The following HSH2D variants were observed in gnomAD, a reference collection of about 807,000 sequenced individuals.
HSH2D encodes hematopoietic SH2 domain containing.
In HSH2D, 16 loss-of-function variants were observed where a neutral mutation model predicts 21.5. That is an observed-to-expected ratio of 0.74 (90% CI 0.50 to 1.13). The LOEUF is 1.13. Ranked by LOEUF, HSH2D falls within the 50% of genes most tolerant of loss-of-function variation. The pLI, the probability that HSH2D is intolerant of heterozygous loss-of-function variation, is 0.00. For synonymous variants in HSH2D, 172 were observed against 184.7 expected, an observed-to-expected ratio of 0.93 and a Z score of 0.56; for missense variants, 418 against 441.4, an observed-to-expected ratio of 0.95 and a Z score of 0.47.
Position 16,148,846 on chromosome 19 carries a change from C to G in HSH2D, c.96C>G (p.Pro32=). Residue 32 remains proline, a synonymous_variant, in exon 2 of 6, where the codon CCC becomes CCG. Coordinates refer to ENST00000613986, the MANE Select transcript of HSH2D (RefSeq NM_001382417.1). ...GCCAGCTGGCCCAAGACGGGGTCCC[C>G]GAGTGGTTCCATGGTGCAATCTCAA... ...QMGQLAQDGV[P]EWFHGAISRE... 1 of 1,613,562 alleles carries G rather than the reference C, an allele frequency of 6.2e-7. No homozygotes were observed. The highest frequency in any genetic ancestry group is 8.5e-7 in the Non-Finnish European group (1 of 1,179,756).
At chr19:16,151,338 A>G in intron 2 of HSH2D, 1 of 259,754 alleles carries the variant, frequency 3.8e-6, no homozygotes, top group South Asian at 3.3e-5. Flanking sequence ...AAAAAAAAAA[A>G]AAAAGAGAGA....
At chr19:16,138,560 C>T (rs1016857970) in intron 1 of HSH2D, among the ~76,000 whole-genome samples, 2 of 151,576 alleles carry the variant, frequency 1.3e-5, no homozygotes, top group African/African-American at 2.4e-5. Context: ...CGGGTTCAAG[C>T]GATTCTTCTG....
Position 16,148,963 on chromosome 19 carries a change from T to C in HSH2D, c.125+88T>C. On this transcript the variant is annotated intron_variant, in intron 2 of 5. Coordinates refer to ENST00000613986, the MANE Select transcript of HSH2D (RefSeq NM_001382417.1). The stretch of plus-strand genomic sequence containing the variant: ...TGGGCAGCTTTTAACTGCAGAATTC[T>C]GGACTTGGCTCAGCTCAGTGTGGCA... The C allele has an allele frequency of 5.7e-6, 8 of 1,398,798 alleles. No homozygotes were observed. The South Asian group carries it at 1.1e-4, about 19-fold the overall frequency. 86.6% of individuals were successfully genotyped at this position (1,398,798 alleles called of 1,614,324 possible).
Position 16,157,382 on chromosome 19 carries a change from G to A in HSH2D, c.647G>A (p.Arg216Lys), listed in dbSNP as rs1292983029. 8.7e-6 allele frequency: 14 copies of A among 1,613,834 alleles called. No homozygotes were observed. Among genetic ancestry groups the A allele is most frequent in the Non-Finnish European group, 1.0e-5 (12 of 1,179,878 alleles). ...AAAATGCTCCCCGAGAGAGGCCAGA[G>A]GGTCCGGCAGCAGCTAAAAAGCCAC... ...SLKMLPERGQ[R>K]VRQQLKSHLA... Residue 216 changes from arginine to lysine, a missense_variant, in exon 6 of 6, where the codon AGG (arginine) becomes AAG (lysine). Coordinates refer to ENST00000613986, the MANE Select transcript of HSH2D (RefSeq NM_001382417.1). This position sits in a 1 kb window ranked among gnomAD's most constrained non-coding sequence, Gnocchi z 4.4.
rs77723805 is a variant in HSH2D, at chr19:16,148,846, C to T, written c.96C>T (p.Pro32=). 62 of 1,613,562 alleles carry T rather than the reference C, an allele frequency of 3.8e-5. No homozygotes were observed. The highest frequency in any genetic ancestry group is 1.1e-4 in the East Asian group (5 of 44,860). ...GCCAGCTGGCCCAAGACGGGGTCCC[C>T]GAGTGGTTCCATGGTGCAATCTCAA... ...QMGQLAQDGV[P]EWFHGAISRE... The change falls in exon 2 of 6, where the codon CCC becomes CCT. Residue 32 remains proline (P), a synonymous_variant. Coordinates refer to ENST00000613986, the MANE Select transcript of HSH2D (RefSeq NM_001382417.1).
intron 1 of HSH2D, among the ~76,000 whole-genome samples, chr19:16,146,755 G>A (rs568588019): frequency 2.8e-4 from 43 of 150,884 alleles, no homozygotes; most frequent in East Asian, 3.9e-4. Context: ...TGTTTATTTC[G>A]TTCACTTGCC....
In HSH2D at chr19:16,157,800, A is replaced by G; in HGVS notation, c.*6A>G. The G allele has an allele frequency of 6.4e-7, 1 of 1,572,372 alleles. No individual in the cohort carries two copies. The highest frequency in any genetic ancestry group is 8.6e-7 in the Non-Finnish European group (1 of 1,163,982). On this transcript the variant is annotated 3_prime_UTR_variant, in exon 6 of 6. Transcript: ENST00000613986. The surrounding 1 kb of genome is among the most constrained non-coding windows in gnomAD (Gnocchi z 4.4). ...TTGCCCCTGGGTACTGCTAGAGAAC[A>G]GGTCCACCCTGGCTCTGGGACTCGC... is the stretch of plus-strand genomic sequence containing the variant.
chr19:16,152,458 GC>G (rs2091171892), intron 2 of HSH2D, 93 bp from the exon 3 acceptor site: 2 of 624,706 alleles, frequency 3.2e-6, no homozygotes, highest in Admixed American at 7.6e-5. Flanking sequence ...AAAACTACCA[GC>G]CTTCTCCATG....
At chr19:16,150,680 C>A in intron 2 of HSH2D, among the ~76,000 whole-genome samples, 3 of 129,838 alleles carry the variant, frequency 2.3e-5, no homozygotes, top group African/African-American at 6.0e-5. Flanking sequence ...AGCAAGATTC[C>A]AGCTCAAAAA....
intron 1 of HSH2D, among the ~76,000 whole-genome samples, chr19:16,138,379 C>T (rs555207080): frequency 5.3e-5 from 8 of 152,272 alleles, no homozygotes; most frequent in East Asian, 1.9e-4. Flanking sequence ...TTGTTTCCAC[C>T]GTTTGGACAC....
rs764938553 is a variant in HSH2D at position 16,157,422 on chromosome 19, C to T, written c.687C>T (p.Asn229=). ...TAAAAAGCCACCTCGCCACTGTGAACTTGTCGTCACTCTTGGATGTCCGGA... is the reference window on the plus strand; with the variant it reads ...TAAAAAGCCACCTCGCCACTGTGAATTTGTCGTCACTCTTGGATGTCCGGA... The part of the protein sequence containing the change: ...QQLKSHLATV[N]LSSLLDVRRS... Residue 229 remains asparagine (N), a synonymous_variant, in exon 6 of 6, where the codon AAC becomes AAT. Transcript: ENST00000613986. The surrounding 1 kb of genome is among the most constrained non-coding windows in gnomAD (Gnocchi z 4.4). 1.2e-6 allele frequency: 2 copies of T among 1,613,922 alleles called. No homozygotes were observed. The highest frequency in any genetic ancestry group is 1.7e-6 in the Non-Finnish European group (2 of 1,179,864).
upstream of HSH2D, among the ~76,000 whole-genome samples, chr19:16,143,392 C>T (rs562524330): frequency 6.6e-6 from 1 of 152,284 alleles, no homozygotes; most frequent in Non-Finnish European, 1.5e-5. Flanking sequence ...TCCCCGTTCT[C>T]CCTTTGTAAT....
chr19:16,138,303 T>C (rs922454745), intron 1 of HSH2D, among the ~76,000 whole-genome samples: 3 of 152,252 alleles, frequency 2.0e-5, no homozygotes, highest in Non-Finnish European at 2.9e-5. Flanking sequence ...GGCTGAATCA[T>C]ATTTCATGGT....
intron 1 of HSH2D, among the ~76,000 whole-genome samples, chr19:16,146,172 A>G (rs778387503): frequency 1.4e-4 from 22 of 152,020 alleles, no homozygotes; most frequent in Non-Finnish European, 2.6e-4. Context: ...ACACTCACTT[A>G]ATAATGTTTT....
intron 5 of HSH2D, among the ~76,000 whole-genome samples, chr19:16,156,814 C>G (rs1183781426): frequency 6.6e-6 from 1 of 152,096 alleles, no homozygotes; most frequent in African/African-American, 2.4e-5. Flanking sequence ...ATGGTGAAAC[C>G]ATGTCTCTAC....
chr19:16,138,123 C>T (rs1340892713), intron 1 of HSH2D, among the ~76,000 whole-genome samples: 1 of 152,144 alleles, frequency 6.6e-6, no homozygotes, highest in East Asian at 1.9e-4. Context: ...CCACCTTGGC[C>T]TCCCAAAGTG....
At chr19:16,146,075 C>CAAAA (rs796457464) in intron 1 of HSH2D, among the ~76,000 whole-genome samples, 1 of 59,874 alleles carries the variant, frequency 1.7e-5, no homozygotes, top group African/African-American at 5.0e-5. Flanking sequence ...GATTCCATCT[C>CAAAA]AAAAAAAAAA....
chr19:16,148,158 TA>T (rs1261681605), intron 1 of HSH2D, among the ~76,000 whole-genome samples: 1 of 151,238 alleles, frequency 6.6e-6, no homozygotes, highest in Non-Finnish European at 1.5e-5. Context: ...TTTATTTGCT[TA>T]TTTATTTTTT....
At chr19:16,148,263 C>T (rs761856769) in intron 1 of HSH2D, among the ~76,000 whole-genome samples, 2 of 152,098 alleles carry the variant, frequency 1.3e-5, no homozygotes, top group Non-Finnish European at 2.9e-5. Flanking sequence ...ATTCTCCTGC[C>T]TCAGCCTCCG....
Sources: allele counts gnomAD v4.1 joint callset (sites outside exome capture counted in the v4.1 genomes callset), GRCh38; gene constraint gnomAD v4.1.1; non-coding constraint Gnocchi (gnomAD v3.1); transcripts MANE v1.5; gene names NCBI Gene and HGNC (gene_info 2026-07-23, HGNC 2026-07-21).